Variants in NRCAM observed in about 807,000 individuals in gnomAD.
NRCAM encodes the protein NgCAM-related cell adhesion molecule.
A neutral mutation model predicts 156.5 loss-of-function variants in NRCAM; 83 were observed. The observed-to-expected ratio is 0.53, with a 90% CI of 0.44 to 0.64. The LOEUF (loss-of-function observed/expected upper bound fraction) is 0.64, where lower values mean the gene tolerates loss of function less well. Among genes scored for constraint, NRCAM ranks in the 30% least tolerant of loss-of-function variants. The pLI, the probability that NRCAM is intolerant of heterozygous loss-of-function variation, is 0.00. For missense variants in NRCAM, 1,417 were observed against 1,597.3 expected (o/e 0.89, Z 1.92); for synonymous variants, 538 against 563.9 (o/e 0.95, Z 0.65).
intron 2 of NRCAM, among the ~76,000 whole-genome samples, chr7:108,329,521 G>T (rs1168483042): frequency 6.6e-6 from 1 of 152,148 alleles, no homozygotes; most frequent in African/African-American, 2.4e-5. Context: ...TTCAAGTTTT[G>T]AAAGTGTCCA....
chr7:108,313,120 G>A (rs1442685891), intron 2 of NRCAM: 1 of 151,896 alleles, frequency 6.6e-6, no homozygotes, highest in African/African-American at 2.4e-5. Context: ...AAATTTTTTA[G>A]GTTATGTTTG....
intron 1 of NRCAM, among the ~76,000 whole-genome samples, chr7:108,440,692 GC>G (rs1440638971): frequency 6.6e-6 from 1 of 152,166 alleles, no homozygotes; most frequent in Admixed American, 6.5e-5. Context: ...CAAAGTATGA[GC>G]AAAAATGTTT....
intron 2 of NRCAM, among the ~76,000 whole-genome samples, chr7:108,366,159 G>A (rs752633132): frequency 2.6e-5 from 4 of 152,058 alleles, no homozygotes; most frequent in Non-Finnish European, 5.9e-5. Context: ...TGCCTTTCTC[G>A]GACTTCCCAG....
At chr7:108,415,231 G>A (rs1800088258) in intron 1 of NRCAM, among the ~76,000 whole-genome samples, 1 of 152,048 alleles carries the variant, frequency 6.6e-6, no homozygotes, top group Non-Finnish European at 1.5e-5. Context: ...ACCTTTCCTT[G>A]GCAGGCCTGC....
At chr7:108,275,984 G>A (rs1181381702) in intron 3 of NRCAM, among the ~76,000 whole-genome samples, 5 of 152,062 alleles carry the variant, frequency 3.3e-5, no homozygotes, top group East Asian at 1.9e-4. Flanking sequence ...CCTTAATTTC[G>A]TAATTTACCC....
At chr7:108,155,179 G>A (rs1332184028) in intron 32 of NRCAM, among the ~76,000 whole-genome samples, 1 of 149,988 alleles carries the variant, frequency 6.7e-6, no homozygotes, top group East Asian at 2.0e-4. Flanking sequence ...AGTTTTAATG[G>A]AGTAGGCAGC....
intron 3 of NRCAM, among the ~76,000 whole-genome samples, chr7:108,254,381 A>G (rs768036435): frequency 6.6e-6 from 1 of 152,222 alleles, no homozygotes; most frequent in African/African-American, 2.4e-5. Context: ...TTTATCATTA[A>G]GGAAATGCAA....
chr7:108,356,641 A>G (rs1002632387), intron 2 of NRCAM, among the ~76,000 whole-genome samples: 1 of 152,242 alleles, frequency 6.6e-6, no homozygotes, highest in Admixed American at 6.5e-5. Flanking sequence ...CTGCCGAAAT[A>G]CAGCTATGTA....
chr7:108,222,382 G>A lies in NRCAM; in HGVS notation c.890+1343C>T, dbSNP rs114127833. On this transcript the variant is annotated intron_variant, in intron 11 of 32. Transcript: ENST00000379028. The stretch of plus-strand genomic sequence containing the variant: ...CAAAGTTTTAAAAATTCTTTTGGGA[G>A]TATTGTGAAATTTCCAAATACCAAC... Among the ~76,000 whole-genome samples, 283 of 152,240 alleles carry A rather than the reference G, an allele frequency of 1.9e-3. 2 individuals are homozygous for A. The highest frequency in any genetic ancestry group is 6.5e-3 in the African/African-American group (272 of 41,544).
chr7:108,213,698 C>G (rs1213410954), intron 11 of NRCAM, among the ~76,000 whole-genome samples: 2 of 152,104 alleles, frequency 1.3e-5, no homozygotes, highest in Non-Finnish European at 2.9e-5. Context: ...TGGTAAAAGG[C>G]CTTGTCGAAC....
chr7:108,341,055 T>C (rs748033322), intron 2 of NRCAM, among the ~76,000 whole-genome samples: 4 of 152,182 alleles, frequency 2.6e-5, no homozygotes, highest in Non-Finnish European at 4.4e-5. Flanking sequence ...CAATGCCTAA[T>C]AGGGCTTGCT....
At chr7:108,159,620 A>T in intron 31 of NRCAM, 79 bp from the exon 32 acceptor site, 1 of 1,060,346 alleles carries the variant, frequency 9.4e-7, no homozygotes, top group Non-Finnish European at 1.5e-6. Context: ...ATTCTTTGAG[A>T]TATACAGCAG....
chr7:108,391,028 G>A lies in NRCAM; in HGVS notation c.-174+8408C>T, dbSNP rs149794978. Among the ~76,000 whole-genome samples, 878 of 152,306 alleles carry A rather than the reference G, an allele frequency of 5.8e-3. 11 individuals are homozygous for A. Among genetic ancestry groups the A allele is most frequent in the African/African-American group, 0.02 (848 of 41,556 alleles). ...AGTTTTGGAATAGGTGTGGTGTGGT[G>A]CTGAGAAGAATGTATATTCTGTTGA... On this transcript the variant is annotated intron_variant, in intron 2 of 32. Coordinates refer to ENST00000379028, the MANE Select transcript of NRCAM (RefSeq NM_001037132.4).
At chr7:108,159,249 A>C in intron 32 of NRCAM, 1 of 708,582 alleles carries the variant, frequency 1.4e-6, no homozygotes. Context: ...TTCCATCTCC[A>C]AAATTATGAC....
chr7:108,448,534 C>T (rs1035813861), intron 1 of NRCAM, among the ~76,000 whole-genome samples: 14 of 152,296 alleles, frequency 9.2e-5, no homozygotes, highest in Admixed American at 8.5e-4. Flanking sequence ...CATTTCCAAT[C>T]GCAGTTTTAC....
At chr7:108,365,211 T>C (rs2099584720) in intron 2 of NRCAM, among the ~76,000 whole-genome samples, 1 of 152,138 alleles carries the variant, frequency 6.6e-6, no homozygotes, top group Non-Finnish European at 1.5e-5. Flanking sequence ...GAGGTAGGTG[T>C]TATTACCTAC....
At chr7:108,177,465 T>C (rs1297657259) in intron 26 of NRCAM, among the ~76,000 whole-genome samples, 1 of 151,856 alleles carries the variant, frequency 6.6e-6, no homozygotes, top group Non-Finnish European at 1.5e-5. Context: ...CTACTAAAAA[T>C]ACAAAAAATT....
intron 1 of NRCAM, among the ~76,000 whole-genome samples, chr7:108,417,694 C>G (rs1803346318): frequency 6.6e-6 from 1 of 152,194 alleles, no homozygotes; most frequent in Non-Finnish European, 1.5e-5. Context: ...TTCTAAATCT[C>G]TGGACACTAG....
chr7:108,188,151 G>C (rs553673926), intron 20 of NRCAM, among the ~76,000 whole-genome samples: 1 of 152,270 alleles, frequency 6.6e-6, no homozygotes, highest in South Asian at 2.1e-4. Flanking sequence ...CTCTGGGATA[G>C]TCTCAGCCAG....
Sources: allele counts gnomAD v4.1 joint callset (sites outside exome capture counted in the v4.1 genomes callset), GRCh38; gene constraint gnomAD v4.1.1; transcripts MANE v1.5; gene names NCBI Gene and HGNC (gene_info 2026-07-23, HGNC 2026-07-21).